The following LRIG1 variants were observed in gnomAD, a reference collection of about 807,000 sequenced individuals.
LRIG1 encodes leucine-rich repeats and immunoglobulin-like domains protein 1.
LRIG1 carries 48 observed loss-of-function variants against 99.2 expected under a neutral mutation model. The ratio of observed to expected loss-of-function variants is 0.48; its 90% CI spans 0.38 to 0.62. LRIG1 has a LOEUF of 0.62. Among genes scored for constraint, LRIG1 ranks in the 20% least tolerant of loss-of-function variants. LRIG1 has a pLI of 0.00. For missense variants in LRIG1, 1,646 were observed against 1,434.4 expected (o/e 1.15, Z -2.38); for synonymous variants, 772 against 596.1 (o/e 1.29, Z -4.30).
At chr3:66,486,895 T>C (rs1313803021) in intron 1 of LRIG1, among the ~76,000 whole-genome samples, 1 of 152,202 alleles carries the variant, frequency 6.6e-6, no homozygotes, top group East Asian at 1.9e-4. Context: ...TCACAGATGA[T>C]TCATCTCACA....
At chr3:66,405,405 C>G in intron 8 of LRIG1, 127 bp from the exon 9 acceptor site, 1 of 746,814 alleles carries the variant, frequency 1.3e-6, no homozygotes, top group Non-Finnish European at 2.4e-6. Context: ...ACAGCCGGGA[C>G]GTAGGGTGAA....
At chr3:66,393,480 C>T (rs753323580) in intron 12 of LRIG1, among the ~76,000 whole-genome samples, 1 of 152,186 alleles carries the variant, frequency 6.6e-6, no homozygotes, top group Non-Finnish European at 1.5e-5. Flanking sequence ...ACTTGGATCC[C>T]GACTCCCAGT....
At chr3:66,412,452 T>C (rs762707517) in intron 6 of LRIG1, among the ~76,000 whole-genome samples, 2 of 152,218 alleles carry the variant, frequency 1.3e-5, no homozygotes, top group African/African-American at 2.4e-5. Flanking sequence ...AACCAACTTA[T>C]CTGACTCAAT....
At chr3:66,420,495 G>A (rs1401620900) in intron 3 of LRIG1, among the ~76,000 whole-genome samples, 1 of 152,196 alleles carries the variant, frequency 6.6e-6, no homozygotes, top group East Asian at 1.9e-4. Flanking sequence ...AGACCTCAAA[G>A]AGACATGTGT....
chr3:66,405,012 G>A (rs1312545172), intron 9 of LRIG1, among the ~76,000 whole-genome samples, 186 bp downstream of exon 9: 1 of 152,150 alleles, frequency 6.6e-6, no homozygotes, highest in Non-Finnish European at 1.5e-5. Context: ...ATCAAGGAGT[G>A]GGGTGTCCCC....
In LRIG1 at chr3:66,383,047, A is replaced by G; in HGVS notation, c.2426T>C (p.Leu809Pro). ...AVVSSIVLTS[L>P]VWVCIIYQTR... The stretch of plus-strand genomic sequence containing the variant: ...CTGGTAGATGATGCACACCCAGACC[A>G]GTGACGTCAGGACGATGCTGCTCAC... The change falls in exon 15 of 19, where the codon CTG becomes CCG. Residue 809 changes from leucine (L) to proline (P), a missense_variant. Leu to Pro is a moderately conservative substitution (Grantham distance 98). Coordinates refer to ENST00000273261, the MANE Select transcript of LRIG1 (RefSeq NM_015541.3). 6.2e-7 allele frequency: 1 copy of G among 1,614,220 alleles called. No individual in the cohort carries two copies. The highest frequency in any genetic ancestry group is 8.5e-7 in the Non-Finnish European group (1 of 1,180,034).
rs1553715228 is a variant in LRIG1, at chr3:66,407,623, G to GCGCA, written c.936-133_936-132insTGCG. 152 of 852,328 alleles carry GCGCA rather than the reference G, an allele frequency of 1.8e-4. 1 individual carries two copies. The highest frequency in any genetic ancestry group is 3.6e-4 in the Middle Eastern group (1 of 2,790). 52.8% of individuals were successfully genotyped at this position (852,328 alleles called of 1,614,324 possible). On this transcript the variant is annotated intron_variant, in intron 7 of 18. Transcript: ENST00000273261. ...CAGATGCACACGCACGCGCGTGCGT[G>GCGCA]CACACACACACCCACACCCACAGAA... is the stretch of plus-strand genomic sequence containing the variant.
chr3:66,436,857 T>C (rs980148059), intron 3 of LRIG1, among the ~76,000 whole-genome samples: 11 of 152,100 alleles, frequency 7.2e-5, no homozygotes, highest in African/African-American at 2.4e-4. Flanking sequence ...GAAAACATAA[T>C]AGAGCTATGA....
intron 3 of LRIG1, among the ~76,000 whole-genome samples, chr3:66,421,102 A>G (rs1209973107): frequency 6.6e-6 from 1 of 152,132 alleles, no homozygotes; most frequent in Non-Finnish European, 1.5e-5. Flanking sequence ...ATCACCTCCC[A>G]CTGGGACCCT....
At chr3:66,414,101 C>G (rs1165062193) in intron 5 of LRIG1, among the ~76,000 whole-genome samples, 3 of 152,042 alleles carry the variant, frequency 2.0e-5, no homozygotes, top group African/African-American at 7.2e-5. Flanking sequence ...AAATTGTTTA[C>G]AAAAATAATA....
At chr3:66,460,052 T>C (rs903725974) in intron 2 of LRIG1, among the ~76,000 whole-genome samples, 1 of 152,158 alleles carries the variant, frequency 6.6e-6, no homozygotes, top group Non-Finnish European at 1.5e-5. Flanking sequence ...CTGCTGAGTC[T>C]TTGGTGTCCC....
chr3:66,408,737 A>T (rs1702362479), intron 7 of LRIG1, among the ~76,000 whole-genome samples: 1 of 152,040 alleles, frequency 6.6e-6, no homozygotes, highest in Non-Finnish European at 1.5e-5. Flanking sequence ...TTGACTACAG[A>T]GCCTGAAAGG....
intron 6 of LRIG1, among the ~76,000 whole-genome samples, chr3:66,412,191 T>G (rs1328090426): frequency 6.6e-6 from 1 of 152,162 alleles, no homozygotes; most frequent in Non-Finnish European, 1.5e-5. Flanking sequence ...GCACCCAGTG[T>G]CTTGATTAGC....
At chr3:66,407,011 T>C (rs1040920859) in intron 8 of LRIG1, among the ~76,000 whole-genome samples, 5 of 152,188 alleles carry the variant, frequency 3.3e-5, no homozygotes, top group Admixed American at 6.5e-5. Flanking sequence ...AACTGGAGGC[T>C]GCACCAGGCG....
chr3:66,394,771 T>C (rs960436137), intron 11 of LRIG1, among the ~76,000 whole-genome samples: 9 of 152,082 alleles, frequency 5.9e-5, no homozygotes, highest in African/African-American at 1.9e-4. Flanking sequence ...AAGCTGCATG[T>C]TTTCTTACTT....
intron 1 of LRIG1, among the ~76,000 whole-genome samples, chr3:66,494,320 C>T (rs1220911414): frequency 1.3e-5 from 2 of 152,134 alleles, no homozygotes; most frequent in South Asian, 2.1e-4. Flanking sequence ...ACCCCTTCAC[C>T]GCCACTCCTT....
chr3:66,469,090 A>C (rs1003407519), intron 1 of LRIG1: 3 of 152,218 alleles, frequency 2.0e-5, no homozygotes, highest in African/African-American at 7.2e-5. Flanking sequence ...TTGTATCTTG[A>C]ACTGGAATCA....
At chr3:66,491,004 T>C (rs1301315479) in intron 1 of LRIG1, among the ~76,000 whole-genome samples, 1 of 152,246 alleles carries the variant, frequency 6.6e-6, no homozygotes, top group African/African-American at 2.4e-5. Context: ...TATGGACTTT[T>C]ATAAAATAAA....
At chr3:66,463,107 A>C (rs1165099701) in intron 1 of LRIG1, among the ~76,000 whole-genome samples, 3 of 152,202 alleles carry the variant, frequency 2.0e-5, no homozygotes, top group African/African-American at 7.2e-5. Flanking sequence ...TACAATGCAC[A>C]GGCAGCCCTG....
Sources: allele counts gnomAD v4.1 joint callset (sites outside exome capture counted in the v4.1 genomes callset), GRCh38; gene constraint gnomAD v4.1.1; transcripts MANE v1.5; gene names NCBI Gene and HGNC (gene_info 2026-07-23, HGNC 2026-07-21).